Variants in SLC9A9 observed in about 807,000 individuals in gnomAD.
SLC9A9 encodes the protein sodium/hydrogen exchanger 9.
A neutral mutation model predicts 77.8 loss-of-function variants in SLC9A9; 62 were observed. That is an observed-to-expected ratio of 0.80 (90% CI 0.65 to 0.98). The LOEUF (loss-of-function observed/expected upper bound fraction) is 0.98. SLC9A9 is among the 50% of genes least tolerant of loss of function. The pLI is 0.00. For missense variants in SLC9A9, 775 were observed against 774.9 expected, an observed-to-expected ratio of 1.00 and a Z score of 0.00; for synonymous variants, 320 against 283.5, an observed-to-expected ratio of 1.13 and a Z score of -1.29.
rs555579890 is a variant in SLC9A9 at position 143,333,192 on chromosome 3, C to T, written c.1604+30292G>A. ...ATTGTCCTGCCTATGTGTGCTTTCACGCTTGTGATTTCTGTGAACAAACAG... is the reference window on the plus strand; with the variant it reads ...ATTGTCCTGCCTATGTGTGCTTTCATGCTTGTGATTTCTGTGAACAAACAG... On this transcript the variant is annotated intron_variant, in intron 14 of 15. Coordinates refer to ENST00000316549, the MANE Select transcript of SLC9A9 (RefSeq NM_173653.4). Among the ~76,000 whole-genome samples, 52 of 152,002 alleles carry T rather than the reference C, an allele frequency of 3.4e-4. 1 individual carries two copies. The highest frequency in any genetic ancestry group is 2.8e-3 in the Admixed American group (43 of 15,262).
intron 13 of SLC9A9, among the ~76,000 whole-genome samples, chr3:143,377,445 T>C (rs1466286517): frequency 6.6e-6 from 1 of 152,204 alleles, no homozygotes; most frequent in Non-Finnish European, 1.5e-5. Context: ...GGTCCCTCTG[T>C]CAGTTATTGA....
chr3:143,290,581 T>C (rs1349801262), intron 14 of SLC9A9, among the ~76,000 whole-genome samples: 2 of 152,094 alleles, frequency 1.3e-5, no homozygotes, highest in African/African-American at 2.4e-5. Context: ...ACACATAGCA[T>C]AGAAAAAGGA....
chr3:143,805,964 T>C (rs1198878851), intron 2 of SLC9A9, among the ~76,000 whole-genome samples: 1 of 152,216 alleles, frequency 6.6e-6, no homozygotes, highest in Admixed American at 6.5e-5. Flanking sequence ...AATATCTATC[T>C]GCTCTTTGCT....
chr3:143,528,814 AG>A (rs1045694469), intron 9 of SLC9A9, among the ~76,000 whole-genome samples: 2 of 151,524 alleles, frequency 1.3e-5, no homozygotes, highest in African/African-American at 4.9e-5. Context: ...AAAAAAAAAA[AG>A]TGTGACAAAT....
At chr3:143,747,001 C>T (rs953363683) in intron 4 of SLC9A9, among the ~76,000 whole-genome samples, 2 of 152,014 alleles carry the variant, frequency 1.3e-5, no homozygotes, top group Non-Finnish European at 2.9e-5. Context: ...CCTCAAATGC[C>T]GTAATTTAAA....
At position 143,418,193 on chromosome 3, in the gene SLC9A9, A is replaced by T. The variant is rs77675286; in HGVS notation, c.1470-36079T>A. Among the ~76,000 whole-genome samples the T allele has an allele frequency of 7.4e-3, 1,122 of 151,550 alleles. 6 individuals are homozygous for T. Among genetic ancestry groups the T allele is most frequent in the Non-Finnish European group, 0.012 (795 of 67,822 alleles). On this transcript the variant is annotated intron_variant, in intron 12 of 15. Transcript: ENST00000316549. Reference sequence around the variant, plus strand: ...ATTCTTAACTCCATCCAGCCTTACCATGAAGACTAGGTAGCAGATGTGGGA... The same window carrying T: ...ATTCTTAACTCCATCCAGCCTTACCTTGAAGACTAGGTAGCAGATGTGGGA...
intron 11 of SLC9A9, among the ~76,000 whole-genome samples, chr3:143,484,272 G>C (rs1263515032): frequency 1.3e-5 from 2 of 152,176 alleles, no homozygotes; most frequent in African/African-American, 4.8e-5. Context: ...TCTGGGTTGA[G>C]TGGGTTTTGC....
At position 143,707,309 on chromosome 3, in the gene SLC9A9, C is replaced by G. The variant is rs1412511892; in HGVS notation, c.534-14002G>C. ...AGGGAGGGATAGAAGGAACAGACAA[C>G]TTTTGAGTAACTATTCTGTGTCAAA... On this transcript the variant is annotated intron_variant, in intron 4 of 15. Coordinates refer to ENST00000316549, the MANE Select transcript of SLC9A9 (RefSeq NM_173653.4). 4.6e-5 allele frequency among the ~76,000 whole-genome samples: 7 copies of G among 151,708 alleles called. No individual in the cohort carries two copies. The East Asian group carries it at 1.4e-3, about 29-fold the overall frequency.
At chr3:143,650,288 G>A (rs1304316758) in intron 6 of SLC9A9, among the ~76,000 whole-genome samples, 2 of 152,224 alleles carry the variant, frequency 1.3e-5, no homozygotes, top group Non-Finnish European at 2.9e-5. Flanking sequence ...TTTCCTAAGG[G>A]AACCAGGAAA....
At chr3:143,782,294 T>C (rs571641802) in intron 4 of SLC9A9, among the ~76,000 whole-genome samples, 1 of 152,264 alleles carries the variant, frequency 6.6e-6, no homozygotes, top group South Asian at 2.1e-4. Flanking sequence ...AGGTTGGGAG[T>C]GCAGGATAGC....
chr3:143,597,461 A>G (rs766887489), intron 6 of SLC9A9, among the ~76,000 whole-genome samples: 10 of 152,234 alleles, frequency 6.6e-5, no homozygotes, highest in African/African-American at 2.4e-4. Flanking sequence ...GCAAGGGAGA[A>G]CTGGCCTCGC....
intron 9 of SLC9A9, among the ~76,000 whole-genome samples, chr3:143,522,875 C>T (rs560646584): frequency 1.9e-4 from 29 of 152,174 alleles, no homozygotes; most frequent in Non-Finnish European, 1.5e-4. Flanking sequence ...TAAATCATTA[C>T]CCTGAAAAAG....
In SLC9A9 at chr3:143,266,684, C is replaced by T; in HGVS notation, c.*18G>A. ...AGTCTTGCATTACTTGTGATTACAT[C>T]TGTACTCTTCATGCCAATTAATTCA... On this transcript the variant is annotated 3_prime_UTR_variant, in exon 16 of 16. Coordinates refer to ENST00000316549, the MANE Select transcript of SLC9A9 (RefSeq NM_173653.4). The T allele has an allele frequency of 6.2e-7, 1 of 1,613,328 alleles. No homozygotes were observed. Among genetic ancestry groups the T allele is most frequent in the Non-Finnish European group, 8.5e-7 (1 of 1,179,324 alleles).
At chr3:143,531,809 A>G (rs2036513959) in intron 9 of SLC9A9, among the ~76,000 whole-genome samples, 1 of 151,876 alleles carries the variant, frequency 6.6e-6, no homozygotes, top group East Asian at 1.9e-4. Context: ...GACGGTTCTC[A>G]AAGTATGACT....
intron 6 of SLC9A9, among the ~76,000 whole-genome samples, chr3:143,586,261 T>C (rs2037539770): frequency 6.6e-6 from 1 of 152,230 alleles, no homozygotes; most frequent in African/African-American, 2.4e-5. Context: ...TATGAAACCA[T>C]TTAGCAACTT....
chr3:143,788,491 G>C (rs2008121783), intron 4 of SLC9A9, among the ~76,000 whole-genome samples: 1 of 152,090 alleles, frequency 6.6e-6, no homozygotes, highest in East Asian at 1.9e-4. Flanking sequence ...AGGAGTTAGA[G>C]ACCAGCCTGG....
rs2037409319 is a variant in SLC9A9, at chr3:143,578,833, G to C, written c.756-110C>G. The C allele has an allele frequency of 8.3e-6, 11 of 1,319,526 alleles. No homozygotes were observed. The South Asian group carries it at 1.1e-4, about 13-fold the overall frequency. The allele number at this position is 1,319,526 out of a possible 1,614,324, so 81.7% of individuals were successfully genotyped here. A position where few individuals can be genotyped will look rare whatever the true frequency, so the allele number is the denominator to read the frequency against. On this transcript the variant is annotated intron_variant, in intron 6 of 15. Coordinates refer to ENST00000316549, the MANE Select transcript of SLC9A9 (RefSeq NM_173653.4). Reference sequence around the variant, plus strand: ...ATCTTTCCCTGTAATGTTGGGTGCTGGTTGGAAGAGTTAGGGGAAAACAGA... The same window carrying C: ...ATCTTTCCCTGTAATGTTGGGTGCTCGTTGGAAGAGTTAGGGGAAAACAGA...
intron 5 of SLC9A9, 28 bp from the exon 6 acceptor site, chr3:143,652,388 T>C (rs762159800): frequency 6.4e-7 from 1 of 1,565,352 alleles, no homozygotes; most frequent in Admixed American, 1.7e-5. Flanking sequence ...AACATGCAGG[T>C]TAGCTTGGAT....
chr3:143,593,322 T>A (rs1360342969), intron 6 of SLC9A9, among the ~76,000 whole-genome samples: 3 of 152,240 alleles, frequency 2.0e-5, no homozygotes, highest in Non-Finnish European at 4.4e-5. Flanking sequence ...TTGATCAGGT[T>A]TTCTTTTGTA....
Sources: allele counts gnomAD v4.1 joint callset (sites outside exome capture counted in the v4.1 genomes callset), GRCh38; gene constraint gnomAD v4.1.1; transcripts MANE v1.5; gene names NCBI Gene and HGNC (gene_info 2026-07-23, HGNC 2026-07-21).